The following MGA variants were observed in gnomAD, a reference collection of about 807,000 sequenced individuals.
MGA encodes MAX dimerization protein MGA, also known as MAX gene-associated protein.
MGA carries 40 observed loss-of-function variants against 261.1 expected under a neutral mutation model. The observed-to-expected ratio is 0.15, with a 90% CI of 0.12 to 0.20. The LOEUF is 0.20. Among genes scored for constraint, MGA ranks in the 10% least tolerant of loss-of-function variants. MGA has a pLI of 1.00. For synonymous variants in MGA, 1,302 were observed against 1,290.6 expected (o/e 1.01, Z -0.19); for missense variants, 3,397 against 3,630.5 (o/e 0.94, Z 1.65).
At chr15:41,738,427 A>G (rs559308622) in intron 13 of MGA, among the ~76,000 whole-genome samples, 4 of 152,204 alleles carry the variant, frequency 2.6e-5, no homozygotes, top group Non-Finnish European at 4.4e-5. Flanking sequence ...TGATTGATCT[A>G]CTTAATTAAA....
intron 1 of MGA, among the ~76,000 whole-genome samples, chr15:41,641,650 C>A (rs1235718874): frequency 6.9e-6 from 1 of 144,596 alleles, no homozygotes; most frequent in Non-Finnish European, 1.5e-5. Context: ...CCACCACGCC[C>A]AGCTAATTTT....
rs945603769 is a variant in MGA at position 41,766,339 on chromosome 15, G to C, written c.8257G>C (p.Gly2753Arg). 1.2e-6 allele frequency: 2 copies of C among 1,613,864 alleles called. No individual in the cohort carries two copies. Among genetic ancestry groups the C allele is most frequent in the Non-Finnish European group, 1.7e-6 (2 of 1,179,824 alleles). ...TAAAAAGATTTCTGGTGATATGAGAGGGATTCAGTATAAATGGAAAGAGAG... is the reference window on the plus strand; with the variant it reads ...TAAAAAGATTTCTGGTGATATGAGACGGATTCAGTATAAATGGAAAGAGAG... Residue 2753 changes from glycine to arginine, a missense_variant, in exon 24 of 24, where the codon GGG (glycine) becomes CGG (arginine). Physicochemically the swap from Gly to Arg is moderately radical, Grantham distance 125. Transcript: ENST00000219905.
Position 41,762,380 on chromosome 15 carries a change from C to G in MGA, c.7744+18C>G, listed in dbSNP as rs367739476. The G allele has an allele frequency of 1.3e-6, 2 of 1,592,094 alleles. No homozygotes were observed. The highest frequency in any genetic ancestry group is 2.7e-5 in the African/African-American group (2 of 73,812). On this transcript the variant is annotated intron_variant, in intron 22 of 23. Coordinates refer to ENST00000219905, the MANE Select transcript of MGA (RefSeq NM_001164273.2). Reference sequence around the variant, plus strand: ...GGCCACAGGTAGGAGGGACATTCTTCGCTTTCCTTAATGTAGATATACATC... The same window carrying G: ...GGCCACAGGTAGGAGGGACATTCTTGGCTTTCCTTAATGTAGATATACATC...
chr15:41,680,939 G>A (rs2058636868), intron 2 of MGA, among the ~76,000 whole-genome samples: 1 of 152,118 alleles, frequency 6.6e-6, no homozygotes, highest in African/African-American at 2.4e-5. Context: ...GTTGTTTTTG[G>A]AGACCAGTGC....
At position 41,711,582 on chromosome 15, in the gene MGA, AC is replaced by A. The variant is rs1270740188; in HGVS notation, c.3084+235del. The stretch of plus-strand genomic sequence containing the variant: ...GAGAGTACAATTGCACTTTTGAATA[AC>A]CTCTCTCTCCTGTATAAAGGCAACT... On this transcript the variant is annotated intron_variant, in intron 8 of 23. Transcript: ENST00000219905. Among the ~76,000 whole-genome samples, 2 of 151,818 alleles carry A rather than the reference AC, an allele frequency of 1.3e-5. 1 individual carries two copies. The highest frequency in any genetic ancestry group is 1.3e-4 in the Admixed American group (2 of 15,236).
Position 41,729,342 on chromosome 15 carries a change from A to T in MGA, c.3836A>T (p.Asn1279Ile), listed in dbSNP as rs200952707. ...CATTCTAGCCCTGAGAACCATAATA[A>T]TGCAAAGGTGAGTTTCTTGTTGCAT... Residue 1279 changes from asparagine (N) to isoleucine (I), a missense_variant, in exon 11 of 24, where the codon AAT (asparagine) becomes ATT (isoleucine). Coordinates refer to ENST00000219905, the MANE Select transcript of MGA (RefSeq NM_001164273.2). The T allele has an allele frequency of 1.4e-5, 22 of 1,608,092 alleles. No individual in the cohort carries two copies. The African/African-American group carries it at 2.8e-4, about 21-fold the overall frequency.
intron 1 of MGA, among the ~76,000 whole-genome samples, chr15:41,661,280 A>G (rs972888251): frequency 1.3e-5 from 2 of 152,136 alleles, no homozygotes; most frequent in African/African-American, 4.8e-5. Context: ...CGTTTCTGTT[A>G]AATGGTCAAG....
intron 1 of MGA, among the ~76,000 whole-genome samples, chr15:41,639,302 A>G (rs1034043599): frequency 1.1e-4 from 16 of 151,944 alleles, no homozygotes; most frequent in Admixed American, 2.6e-4. Context: ...TCTTGATTCC[A>G]GCTCCGTGAG....
intron 1 of MGA, among the ~76,000 whole-genome samples, chr15:41,646,923 A>G (rs899122455): frequency 6.6e-6 from 1 of 152,308 alleles, no homozygotes; most frequent in Non-Finnish European, 1.5e-5. Flanking sequence ...AAATATTTAT[A>G]GAGCATATAT....
Position 41,767,435 on chromosome 15 carries a change from C to T in MGA, c.*155C>T. The stretch of plus-strand genomic sequence containing the variant: ...GGGAGAAAGGGGGTAGGGTGCTGAC[C>T]CTGGTATAAGAAGTACTCTGAAATT... On this transcript the variant is annotated 3_prime_UTR_variant, in exon 24 of 24. Coordinates refer to ENST00000219905, the MANE Select transcript of MGA (RefSeq NM_001164273.2). The T allele has an allele frequency of 1.3e-6, 1 of 762,456 alleles. No individual in the cohort carries two copies. Among genetic ancestry groups the T allele is most frequent in the Non-Finnish European group, 2.1e-6 (1 of 480,122 alleles). 47.2% of individuals were successfully genotyped at this position (762,456 alleles called of 1,614,324 possible).
At chr15:41,637,749 ATTT>A (rs979114932) in intron 1 of MGA, among the ~76,000 whole-genome samples, 2 of 146,656 alleles carry the variant, frequency 1.4e-5, no homozygotes, top group Admixed American at 6.8e-5. Context: ...ATGGGTTACA[ATTT>A]TTTTTTTTTT....
chr15:41,755,513 CTAAAAAA>C (rs889742567), intron 18 of MGA, among the ~76,000 whole-genome samples: 4 of 152,144 alleles, frequency 2.6e-5, no homozygotes, highest in Admixed American at 1.3e-4. Context: ...AACAAAAACT[CTAAAAAA>C]TATTTGCAAT....
chr15:41,731,959 T>A (rs2061529066), intron 11 of MGA, among the ~76,000 whole-genome samples: 1 of 152,174 alleles, frequency 6.6e-6, no homozygotes, highest in African/African-American at 2.4e-5. Flanking sequence ...TGCTGTGCAA[T>A]TACATGTACT....
At chr15:41,636,826 C>T (rs997927770) in intron 1 of MGA, among the ~76,000 whole-genome samples, 1 of 152,138 alleles carries the variant, frequency 6.6e-6, no homozygotes, top group African/African-American at 2.4e-5. Flanking sequence ...GCCGGGATTA[C>T]AAGCGTGAGC....
intron 2 of MGA, among the ~76,000 whole-genome samples, chr15:41,694,283 G>T (rs2059436321): frequency 6.6e-6 from 1 of 151,898 alleles, no homozygotes; most frequent in African/African-American, 2.4e-5. Context: ...GGGCGTGTTG[G>T]TGCATGCCTA....
intron 9 of MGA, among the ~76,000 whole-genome samples, chr15:41,720,417 C>G (rs1340542155): frequency 6.6e-6 from 1 of 152,098 alleles, no homozygotes; most frequent in Non-Finnish European, 1.5e-5. Flanking sequence ...TGGCTCAGGC[C>G]TGTTGTCCCA....
intron 1 of MGA, among the ~76,000 whole-genome samples, chr15:41,631,768 G>T (rs2056592826): frequency 1.3e-5 from 2 of 152,058 alleles, no homozygotes; most frequent in Non-Finnish European, 2.9e-5. Context: ...AAAAAAGTAT[G>T]TATTTTCATA....
rs776825498 is a variant in MGA at position 41,766,124 on chromosome 15, C to G, written c.8042C>G (p.Ser2681Cys). Reference sequence around the variant, plus strand: ...CATGAAGTTCCTGATAGCAAGCCATCTGACCATCTGAAAGACACCGTCAGG... The same window carrying G: ...CATGAAGTTCCTGATAGCAAGCCATGTGACCATCTGAAAGACACCGTCAGG... The change falls in exon 24 of 24, where the codon TCT (serine) becomes TGT (cysteine). Residue 2681 changes from serine (S) to cysteine (C), a missense_variant. By Grantham distance (112) the Ser-to-Cys change is moderately radical (BLOSUM62 -1). This residue lies in a region of MGA where 647 missense variants were observed against 642.4 expected (regional missense o/e 1.01). Coordinates refer to ENST00000219905, the MANE Select transcript of MGA (RefSeq NM_001164273.2). 5 of 1,614,024 alleles carry G rather than the reference C, an allele frequency of 3.1e-6. No individual in the cohort carries two copies. Among genetic ancestry groups the G allele is most frequent in the South Asian group, 1.1e-5 (1 of 91,086 alleles).
Position 41,696,838 on chromosome 15 carries a change from G to A in MGA, c.1828G>A (p.Val610Ile), listed in dbSNP as rs780115374. The change falls in exon 3 of 24, where the codon GTC (valine) becomes ATC (isoleucine). Residue 610 changes from valine (V) to isoleucine (I), a missense_variant. This residue lies in a region of MGA where 563 missense variants were observed against 563.6 expected (regional missense o/e 1.00). Coordinates refer to ENST00000219905, the MANE Select transcript of MGA (RefSeq NM_001164273.2). ...TGCTAATCAGAATGCCTCTCCAAATGTCCCTGGAAAAAGAGGAAGGCCACG... is the reference window on the plus strand; with the variant it reads ...TGCTAATCAGAATGCCTCTCCAAATATCCCTGGAAAAAGAGGAAGGCCACG... The A allele has an allele frequency of 5.6e-6, 9 of 1,599,360 alleles. No individual in the cohort carries two copies. The East Asian group carries it at 9.0e-5, about 16-fold the overall frequency.
Sources: gnomAD v4.1 joint callset for allele counts (sites outside exome capture counted in the v4.1 genomes callset) on GRCh38, gnomAD v4.1.1 for gene constraint, gnomAD v4.1.1 regional missense constraint, MANE v1.5 for transcripts, NCBI Gene and HGNC (gene_info 2026-07-23, HGNC 2026-07-21) for gene names.